Variants in HS6ST3 observed in about 807,000 individuals in gnomAD.
HS6ST3 encodes the protein heparan-sulfate 6-O-sulfotransferase 3.
HS6ST3 carries 12 observed loss-of-function variants against 36.7 expected under a neutral mutation model. The ratio of observed to expected loss-of-function variants is 0.33; its 90% CI spans 0.21 to 0.53. The LOEUF is 0.53. Among genes scored for constraint, HS6ST3 ranks in the 20% least tolerant of loss-of-function variants. The probability of loss-of-function intolerance (pLI) is 0.95; values close to 1 mark genes in which losing one functional copy is unlikely to be tolerated. For missense variants in HS6ST3, 584 were observed against 640.9 expected (o/e 0.91, Z 0.96); for synonymous variants, 240 against 257.5 (o/e 0.93, Z 0.65).
chr13:96,761,789 T>TC (rs1213707883), intron 1 of HS6ST3, among the ~76,000 whole-genome samples: 1 of 152,172 alleles, frequency 6.6e-6, no homozygotes, highest in Non-Finnish European at 1.5e-5. Flanking sequence ...TTTACGCAGT[T>TC]CCATCTATTG....
intron 1 of HS6ST3, among the ~76,000 whole-genome samples, chr13:96,461,532 T>A (rs1381279354): frequency 6.6e-6 from 1 of 152,212 alleles, no homozygotes. Context: ...AAAGGCTACC[T>A]GATTAAAATA....
chr13:96,263,817 G>A (rs550567845), intron 1 of HS6ST3, among the ~76,000 whole-genome samples: 1 of 152,348 alleles, frequency 6.6e-6, no homozygotes, highest in African/African-American at 2.4e-5. Context: ...AGATCTGGAT[G>A]TTCCACTCTG....
intron 1 of HS6ST3, among the ~76,000 whole-genome samples, chr13:96,206,284 T>TACAA (rs2054369979): frequency 6.6e-6 from 1 of 152,156 alleles, no homozygotes; most frequent in South Asian, 2.1e-4. Flanking sequence ...CAAGGAGAGC[T>TACAA]ACAAACCACT....
intron 1 of HS6ST3, among the ~76,000 whole-genome samples, chr13:96,563,111 T>G (rs2056268727): frequency 6.6e-6 from 1 of 152,174 alleles, no homozygotes; most frequent in Non-Finnish European, 1.5e-5. Context: ...TATTTTCTTT[T>G]GACCCCAATT....
At chr13:96,813,948 T>C (rs1878370547) in intron 1 of HS6ST3, among the ~76,000 whole-genome samples, 1 of 152,258 alleles carries the variant, frequency 6.6e-6, no homozygotes, top group African/African-American at 2.4e-5. Flanking sequence ...TTGTTTCTTC[T>C]AGGAGTTGCT....
chr13:96,722,263 T>TA (rs965297446), intron 1 of HS6ST3, among the ~76,000 whole-genome samples: 48 of 147,792 alleles, frequency 3.2e-4, no homozygotes, highest in East Asian at 9.8e-4. Context: ...AGATTCCGTC[T>TA]AAAAAAAAAA....
chr13:96,791,636 G>T (rs1429972986), intron 1 of HS6ST3, among the ~76,000 whole-genome samples: 1 of 151,922 alleles, frequency 6.6e-6, no homozygotes, highest in Non-Finnish European at 1.5e-5. Flanking sequence ...TATAAGTATG[G>T]CCAGGTATTA....
rs1428888173 is a variant in HS6ST3, at chr13:96,514,480, T to C, written c.708-318010T>C. On this transcript the variant is annotated intron_variant, in intron 1 of 1. Coordinates refer to ENST00000376705, the MANE Select transcript of HS6ST3 (RefSeq NM_153456.4). Reference sequence around the variant, plus strand: ...CCCTAACCTCCAATGTGACAGTATTTGGAGATGGGGCTTTTAGGACGTAAT... The same window carrying C: ...CCCTAACCTCCAATGTGACAGTATTCGGAGATGGGGCTTTTAGGACGTAAT... Among the ~76,000 whole-genome samples the C allele has an allele frequency of 2.6e-5, 4 of 152,122 alleles. No individual in the cohort carries two copies. In the East Asian group the frequency reaches 7.7e-4, roughly 29 times the overall value.
chr13:96,542,391 A>G (rs1038597340), intron 1 of HS6ST3, among the ~76,000 whole-genome samples: 4 of 152,210 alleles, frequency 2.6e-5, no homozygotes, highest in African/African-American at 9.6e-5. Flanking sequence ...TATGCAAAAT[A>G]TTAGATTTAT....
chr13:96,311,772 T>C (rs2054942035), intron 1 of HS6ST3, among the ~76,000 whole-genome samples: 1 of 152,158 alleles, frequency 6.6e-6, no homozygotes. Flanking sequence ...TGGGTAAATC[T>C]AAGGAAGATG....
chr13:96,344,656 C>T (rs2055145281), intron 1 of HS6ST3, among the ~76,000 whole-genome samples: 1 of 152,088 alleles, frequency 6.6e-6, no homozygotes, highest in Admixed American at 6.5e-5. Flanking sequence ...ACACACTGAC[C>T]CTGAACTGTC....
intron 1 of HS6ST3, among the ~76,000 whole-genome samples, chr13:96,445,461 A>G (rs1293923948): frequency 2.0e-5 from 3 of 152,130 alleles, no homozygotes; most frequent in Non-Finnish European, 2.9e-5. Context: ...AGAATAACTA[A>G]AGCCTATTAG....
intron 1 of HS6ST3, among the ~76,000 whole-genome samples, chr13:96,153,963 G>A (rs2054099087): frequency 6.6e-6 from 1 of 152,134 alleles, no homozygotes; most frequent in Admixed American, 6.5e-5. Context: ...CTAGCTGATT[G>A]GCTTTGCCCA....
intron 1 of HS6ST3, among the ~76,000 whole-genome samples, chr13:96,387,207 A>G (rs993808919): frequency 6.6e-6 from 1 of 152,192 alleles, no homozygotes; most frequent in African/African-American, 2.4e-5. Context: ...ACTTTTGAAA[A>G]TCATCCTTTT....
intron 1 of HS6ST3, among the ~76,000 whole-genome samples, chr13:96,632,345 T>G (rs1259506590): frequency 6.6e-6 from 1 of 152,092 alleles, no homozygotes; most frequent in Admixed American, 6.6e-5. Context: ...GTTTTTTTGT[T>G]TTTTTCTGAC....
intron 1 of HS6ST3, among the ~76,000 whole-genome samples, chr13:96,352,529 C>T (rs2055188748): frequency 6.6e-6 from 1 of 152,152 alleles, no homozygotes; most frequent in Non-Finnish European, 1.5e-5. Flanking sequence ...GAAGGGTCTT[C>T]TATGGCCTAG....
At chr13:96,290,764 G>A (rs1007957533) in intron 1 of HS6ST3, among the ~76,000 whole-genome samples, 1 of 152,094 alleles carries the variant, frequency 6.6e-6, no homozygotes, top group African/African-American at 2.4e-5. Flanking sequence ...CTCTTTTAGC[G>A]AAAAAGCTAA....
intron 1 of HS6ST3, among the ~76,000 whole-genome samples, chr13:96,315,091 C>T (rs2054961675): frequency 6.6e-6 from 1 of 152,106 alleles, no homozygotes; most frequent in Non-Finnish European, 1.5e-5. Context: ...TGTTACTAAA[C>T]AGAAAGTCTT....
chr13:96,456,422 C>T (rs1187599436), intron 1 of HS6ST3, among the ~76,000 whole-genome samples: 2 of 152,120 alleles, frequency 1.3e-5, no homozygotes, highest in Non-Finnish European at 2.9e-5. Context: ...TAGCCCTCTA[C>T]CCCAATTACA....
Sources: allele counts gnomAD v4.1 joint callset (sites outside exome capture counted in the v4.1 genomes callset), GRCh38; gene constraint gnomAD v4.1.1; transcripts MANE v1.5; gene names NCBI Gene and HGNC (gene_info 2026-07-23, HGNC 2026-07-21).